The following ACO1 variants were observed in gnomAD, a reference collection of about 807,000 sequenced individuals.
The protein encoded by ACO1 is cytoplasmic aconitate hydratase.
A neutral mutation model predicts 105.1 loss-of-function variants in ACO1; 78 were observed. The observed-to-expected ratio is 0.74, with a 90% CI of 0.62 to 0.90. The LOEUF is 0.90. ACO1 is among the 40% of genes least tolerant of loss of function. ACO1 has a pLI of 0.00. For synonymous variants in ACO1, 364 were observed against 397.4 expected (o/e 0.92, Z 1.00); for missense variants, 965 against 1,111.1 (o/e 0.87, Z 1.87).
chr9:32,446,454 A>C (rs984696657), intron 19 of ACO1, among the ~76,000 whole-genome samples: 1 of 151,640 alleles, frequency 6.6e-6, no homozygotes, highest in African/African-American at 2.4e-5. Flanking sequence ...ATCTTCCTCC[A>C]TCCCTTTATT....
rs751003420 is a variant in ACO1 at position 32,425,811 on chromosome 9, T to C, written c.1189-27T>C. The C allele has an allele frequency of 5.4e-6, 8 of 1,483,946 alleles. No homozygotes were observed. In the South Asian group the frequency reaches 7.2e-5, roughly 13 times the overall value. 91.9% of individuals were successfully genotyped at this position (1,483,946 alleles called of 1,614,324 possible). ...TATATCTTATATAAATATATTCCTA[T>C]ATAATATACATTTTTTCTTCCTTTA... On this transcript the variant is annotated intron_variant, in intron 10 of 20. Coordinates refer to ENST00000309951, the MANE Select transcript of ACO1 (RefSeq NM_002197.3).
At position 32,406,107 on chromosome 9, in the gene ACO1, T is replaced by C. The variant is rs576308735; in HGVS notation, c.97+504T>C. On this transcript the variant is annotated intron_variant, in intron 2 of 20. Coordinates refer to ENST00000309951, the MANE Select transcript of ACO1 (RefSeq NM_002197.3). ...ATTTTTATAAATAAACAAAATCATT[T>C]TTCTTATGAATTAATATTGTTTTAT... Among the ~76,000 whole-genome samples, 193 of 152,360 alleles carry C rather than the reference T, an allele frequency of 1.3e-3. No individual in the cohort carries two copies. In the Middle Eastern group the frequency reaches 0.014, roughly 11 times the overall value.
At chr9:32,394,344 A>G (rs1415017854) in intron 1 of ACO1, among the ~76,000 whole-genome samples, 1 of 152,178 alleles carries the variant, frequency 6.6e-6, no homozygotes, top group Non-Finnish European at 1.5e-5. Context: ...CATGGGCTGC[A>G]TGATGTTCTG....
chr9:32,448,816 C>T, intron 19 of ACO1, 80 bp from the exon 20 acceptor site: 1 of 1,505,988 alleles, frequency 6.6e-7, no homozygotes, highest in Non-Finnish European at 9.2e-7. Context: ...CATGCCAGCT[C>T]TCTCACAAAG....
chr9:32,404,642 A>G (rs1383629766), intron 1 of ACO1, among the ~76,000 whole-genome samples: 1 of 152,200 alleles, frequency 6.6e-6, no homozygotes, highest in Non-Finnish European at 1.5e-5. Context: ...TAGTCCCTGT[A>G]CAGCCTGCCT....
chr9:32,396,467 G>A (rs1295283902), intron 1 of ACO1, among the ~76,000 whole-genome samples: 2 of 152,140 alleles, frequency 1.3e-5, no homozygotes, highest in African/African-American at 4.8e-5. Flanking sequence ...TGCCTTTTCT[G>A]TCTTCCCCTT....
chr9:32,440,355 G>A (rs1587552964), intron 18 of ACO1, 110 bp from the exon 19 acceptor site: 3 of 1,163,306 alleles, frequency 2.6e-6, no homozygotes. Flanking sequence ...TGATTGGACG[G>A]ATTTGGCCAT....
At chr9:32,419,949 A>G (rs1254028340) in intron 7 of ACO1, among the ~76,000 whole-genome samples, 2 of 152,242 alleles carry the variant, frequency 1.3e-5, no homozygotes, top group African/African-American at 4.8e-5. Flanking sequence ...TGGACATGCT[A>G]TCGTTAAAGT....
chr9:32,396,839 A>T (rs1821383112), intron 1 of ACO1, among the ~76,000 whole-genome samples: 1 of 152,234 alleles, frequency 6.6e-6, no homozygotes, highest in Non-Finnish European at 1.5e-5. Context: ...CAGTTAACAT[A>T]AATGTGAATG....
chr9:32,423,439 TGTGC>T lies in ACO1; in HGVS notation c.1071+21_1071+24del. ...ACCCAGGTATGAGAGTGCCTTCCAC[TGTGC>T]ATGTATTTCCTCTTCCTCAAGGCTG... On this transcript the variant is annotated intron_variant, in intron 9 of 20. Coordinates refer to ENST00000309951, the MANE Select transcript of ACO1 (RefSeq NM_002197.3). The T allele has an allele frequency of 6.8e-7, 1 of 1,481,434 alleles. No individual in the cohort carries two copies. The highest frequency in any genetic ancestry group is 1.4e-5 in the African/African-American group (1 of 70,992). 91.8% of individuals were successfully genotyped at this position (1,481,434 alleles called of 1,614,324 possible). A position where few individuals can be genotyped will look rare whatever the true frequency, so the allele number is the denominator to read the frequency against.
intron 4 of ACO1, among the ~76,000 whole-genome samples, chr9:32,417,260 T>A (rs1160632679): frequency 6.6e-6 from 1 of 152,206 alleles, no homozygotes; most frequent in African/African-American, 2.4e-5. Context: ...GCATTTAGAA[T>A]AGTTGCTGGT....
intron 1 of ACO1, among the ~76,000 whole-genome samples, chr9:32,402,546 G>A (rs994594657): frequency 6.6e-6 from 1 of 152,104 alleles, no homozygotes; most frequent in Non-Finnish European, 1.5e-5. Context: ...CCTGGCCAAT[G>A]GTGGGGTTCC....
chr9:32,396,241 GA>G (rs1821370393), intron 1 of ACO1, among the ~76,000 whole-genome samples: 2 of 152,158 alleles, frequency 1.3e-5, no homozygotes, highest in South Asian at 4.1e-4. Flanking sequence ...TTTGATGTTG[GA>G]AGTCTACAGT....
intron 19 of ACO1, among the ~76,000 whole-genome samples, chr9:32,441,890 A>G (rs1269964220): frequency 1.3e-5 from 2 of 152,232 alleles, no homozygotes; most frequent in African/African-American, 4.8e-5. Flanking sequence ...GTGGACAGCT[A>G]TGATTTACAG....
At chr9:32,397,830 T>C (rs1821403963) in intron 1 of ACO1, among the ~76,000 whole-genome samples, 1 of 152,158 alleles carries the variant, frequency 6.6e-6, no homozygotes, top group African/African-American at 2.4e-5. Flanking sequence ...GAAATCTTTT[T>C]CTCTTGTTTG....
rs1587540464 is a variant in ACO1 at position 32,425,832 on chromosome 9, C to T, written c.1189-6C>T. ...CCTATATAATATACATTTTTTCTTCCTTTAGCAAGGATTTAAAGGATTCCA... is the reference window on the plus strand; with the variant it reads ...CCTATATAATATACATTTTTTCTTCTTTTAGCAAGGATTTAAAGGATTCCA... On this transcript the variant is annotated splice_polypyrimidine_tract_variant and splice_region_variant and intron_variant, in intron 10 of 20. Transcript: ENST00000309951. 6 of 1,601,582 alleles carry T rather than the reference C, an allele frequency of 3.7e-6. No homozygotes were observed. Among genetic ancestry groups the T allele is most frequent in the Admixed American group, 3.4e-5 (2 of 58,902 alleles).
chr9:32,405,671 C>T (rs1821594835), intron 2 of ACO1, 68 bp downstream of exon 2: 1 of 1,180,674 alleles, frequency 8.5e-7, no homozygotes, highest in African/African-American at 1.5e-5. Flanking sequence ...TAATTAATTA[C>T]ACTTGAGGAG....
chr9:32,434,480 G>A, intron 16 of ACO1, 79 bp from the exon 17 acceptor site: 1 of 1,549,130 alleles, frequency 6.5e-7, no homozygotes, highest in South Asian at 1.2e-5. Flanking sequence ...CAGGTCCATG[G>A]GCCACCATCG....
At chr9:32,397,581 G>A (rs1821399019) in intron 1 of ACO1, among the ~76,000 whole-genome samples, 1 of 152,182 alleles carries the variant, frequency 6.6e-6, no homozygotes, top group African/African-American at 2.4e-5. Context: ...CAAAAATATT[G>A]TTTATAAGTA....
Sources: gnomAD v4.1 joint callset for allele counts (sites outside exome capture counted in the v4.1 genomes callset) on GRCh38, gnomAD v4.1.1 for gene constraint, MANE v1.5 for transcripts, NCBI Gene and HGNC (gene_info 2026-07-23, HGNC 2026-07-21) for gene names.